Variants in UNC13A observed in about 807,000 individuals in gnomAD.
UNC13A encodes protein unc-13 homolog A.
A neutral mutation model predicts 219.7 loss-of-function variants in UNC13A; 61 were observed. The observed-to-expected ratio is 0.28, with a 90% CI of 0.23 to 0.34. The LOEUF is 0.34. Among genes scored for constraint, UNC13A ranks in the 10% least tolerant of loss-of-function variants. The probability of loss-of-function intolerance (pLI) is 1.00; values close to 1 mark genes in which losing one functional copy is unlikely to be tolerated. For missense variants in UNC13A, 1,476 were observed against 2,270.3 expected (o/e 0.65, Z 7.11); for synonymous variants, 920 against 884.6 (o/e 1.04, Z -0.71).
At chr19:17,680,838 T>C (rs2145927331) in intron 1 of UNC13A, among the ~76,000 whole-genome samples, 1 of 150,654 alleles carries the variant, frequency 6.6e-6, no homozygotes, top group East Asian at 1.9e-4. Flanking sequence ...CTGGATTCTT[T>C]TCTTTTTCTT....
intron 15 of UNC13A, 68 bp from the exon 16 acceptor site, chr19:17,648,718 C>T (rs1263355102): frequency 4.5e-6 from 7 of 1,560,686 alleles, no homozygotes; most frequent in East Asian, 2.3e-5. Flanking sequence ...TGCCCCATTC[C>T]GCCCCATCAC....
chr19:17,672,340 ACTC>A (rs1395645977), intron 4 of UNC13A, 35 bp downstream of exon 4: 2 of 1,556,162 alleles, frequency 1.3e-6, no homozygotes, highest in Non-Finnish European at 1.8e-6. Flanking sequence ...TCTGCAAGGC[ACTC>A]CTCCTTCTTC....
chr19:17,682,770 A>C (rs2080042256), intron 1 of UNC13A, among the ~76,000 whole-genome samples: 1 of 152,180 alleles, frequency 6.6e-6, no homozygotes, highest in African/African-American at 2.4e-5. Flanking sequence ...ATGAGAGAAG[A>C]AAGCAATCCT....
Position 17,658,102 on chromosome 19 carries a change from T to C in UNC13A, c.727A>G (p.Met243Val), listed in dbSNP as rs759013861. ...TCAGAGAACTCCTCGTAACTGTGCA[T>C]GGAGTCACTGTAGGACTCCCGGGAG... ...LGSRESYSDS[M>V]HSYEEFSEPQ... Residue 243 changes from methionine to valine, a missense_variant, in exon 9 of 44, where the codon ATG becomes GTG. Physicochemically the swap from Met to Val is conservative, Grantham distance 21. Coordinates refer to ENST00000519716, the MANE Select transcript of UNC13A (RefSeq NM_001080421.3). 2 of 1,613,822 alleles carry C rather than the reference T, an allele frequency of 1.2e-6. No homozygotes were observed. Among genetic ancestry groups the C allele is most frequent in the Non-Finnish European group, 1.7e-6 (2 of 1,179,854 alleles).
At chr19:17,636,694 A>G (rs2076915682) in intron 25 of UNC13A, among the ~76,000 whole-genome samples, 1 of 152,180 alleles carries the variant, frequency 6.6e-6, no homozygotes, top group Non-Finnish European at 1.5e-5. Flanking sequence ...AGTCAACCCA[A>G]TCCGATTCTA....
intron 11 of UNC13A, among the ~76,000 whole-genome samples, chr19:17,653,857 C>T (rs1247598455): frequency 3.0e-5 from 4 of 131,904 alleles, no homozygotes; most frequent in African/African-American, 5.8e-5. Context: ...AATGGAGTCT[C>T]GCTCTGTCAC....
At chr19:17,655,092 G>C (rs531279349) in intron 11 of UNC13A, among the ~76,000 whole-genome samples, 182 bp downstream of exon 11, 18 of 152,336 alleles carry the variant, frequency 1.2e-4, no homozygotes, top group Admixed American at 6.5e-4. Context: ...GGAAGGGCTC[G>C]AGTGGCTGGG....
Position 17,630,769 on chromosome 19 carries a change from G to A in UNC13A, c.3429-19C>T, listed in dbSNP as rs753022876. 1.8e-5 allele frequency: 29 copies of A among 1,606,502 alleles called. No homozygotes were observed. The highest frequency in any genetic ancestry group is 4.4e-5 in the South Asian group (4 of 90,788). ...AAACCATCTGGAATGAAGAGCCGGG[G>A]TGGGGCTCTGCCACCTCTTGTCCTC... On this transcript the variant is annotated intron_variant, in intron 28 of 43. Transcript: ENST00000519716.
At chr19:17,634,035 A>G (rs1316278487) in intron 26 of UNC13A, among the ~76,000 whole-genome samples, 3 of 151,316 alleles carry the variant, frequency 2.0e-5, no homozygotes, top group African/African-American at 7.3e-5. Context: ...TCATCCATCC[A>G]CTCAACCACT....
At position 17,606,355 on chromosome 19, in the gene UNC13A, C is replaced by T. The variant is rs2076529557; in HGVS notation, c.4812-1G>A. 7.8e-6 allele frequency: 12 copies of T among 1,543,232 alleles called. No individual in the cohort carries two copies. Among genetic ancestry groups the T allele is most frequent in the Non-Finnish European group, 1.0e-5 (12 of 1,146,802 alleles). On this transcript the variant is annotated splice_acceptor_variant, in intron 43 of 43. Coordinates refer to ENST00000519716, the MANE Select transcript of UNC13A (RefSeq NM_001080421.3). LOFTEE classifies it high-confidence loss of function. ...GGGACCCGCGTCGGCGCTCAGCGTG[C>T]TGCGTGGGGAGGGGCGGAACGTGAG...
At position 17,627,790 on chromosome 19, in the gene UNC13A, C is replaced by T. The variant is rs1041336565; in HGVS notation, c.3831+73G>A. 17 of 1,493,918 alleles carry T rather than the reference C, an allele frequency of 1.1e-5. No homozygotes were observed. In the African/African-American group the frequency reaches 2.2e-4, roughly 20 times the overall value. 92.5% of individuals were successfully genotyped at this position (1,493,918 alleles called of 1,614,324 possible). On this transcript the variant is annotated intron_variant, in intron 32 of 43. Coordinates refer to ENST00000519716, the MANE Select transcript of UNC13A (RefSeq NM_001080421.3). This position sits in a 1 kb window ranked among gnomAD's most constrained non-coding sequence, Gnocchi z 4.7. The stretch of plus-strand genomic sequence containing the variant: ...ATCCCCAGGCCTGGTGGCATATGAG[C>T]TCAGGGGCCTGCAGGGACACAGTGG...
intron 1 of UNC13A, among the ~76,000 whole-genome samples, chr19:17,684,458 T>A (rs777841384): frequency 8.5e-5 from 13 of 152,214 alleles, no homozygotes; most frequent in Non-Finnish European, 1.3e-4. Context: ...AGGTGCTCAA[T>A]TAATGCTTGT....
chr19:17,606,501 C>G (rs1013889341), intron 43 of UNC13A, 147 bp from the exon 44 acceptor site: 2 of 1,217,604 alleles, frequency 1.6e-6, no homozygotes, highest in Admixed American at 5.1e-5. Context: ...CCGCCCCTGC[C>G]CCGTTACTTG....
chr19:17,654,549 G>A (rs1198453320), intron 11 of UNC13A, among the ~76,000 whole-genome samples: 1 of 152,154 alleles, frequency 6.6e-6, no homozygotes, highest in Non-Finnish European at 1.5e-5. Context: ...TAACTCTGAA[G>A]AGCAACACAG....
rs1460542767 is a variant in UNC13A, at chr19:17,604,047, A to C, written c.*2007T>G. On this transcript the variant is annotated 3_prime_UTR_variant, in exon 44 of 44. Coordinates refer to ENST00000519716, the MANE Select transcript of UNC13A (RefSeq NM_001080421.3). ...GGCTGGTCTCAAACTCCTGACCTTA[A>C]GTGATCTGCCAGCCTCGGTCTCCCC... 3 of 152,208 alleles carry C rather than the reference A, an allele frequency of 2.0e-5. No homozygotes were observed. The highest frequency in any genetic ancestry group is 4.4e-5 in the Non-Finnish European group (3 of 68,108). 9.4% of individuals were successfully genotyped at this position (152,208 alleles called of 1,614,324 possible).
chr19:17,645,668 T>A lies in UNC13A; in HGVS notation c.2356+6A>T. On this transcript the variant is annotated splice_donor_region_variant and intron_variant, in intron 19 of 43. Coordinates refer to ENST00000519716, the MANE Select transcript of UNC13A (RefSeq NM_001080421.3). ...CCCACCCGCTTCAGAACCCAGCTTC[T>A]CTCACCCAGGTTGTACCACACGTCC... is the stretch of plus-strand genomic sequence containing the variant. The A allele has an allele frequency of 6.2e-7, 1 of 1,614,150 alleles. No individual in the cohort carries two copies. The highest frequency in any genetic ancestry group is 8.5e-7 in the Non-Finnish European group (1 of 1,180,000).
intron 19 of UNC13A, among the ~76,000 whole-genome samples, chr19:17,643,906 C>T (rs1229741153): frequency 6.6e-6 from 1 of 152,084 alleles, no homozygotes; most frequent in East Asian, 1.9e-4. Context: ...GTCTGTGCCT[C>T]TCTCCTCAGA....
chr19:17,668,412 T>C (rs1383196817), intron 5 of UNC13A, among the ~76,000 whole-genome samples: 2 of 152,144 alleles, frequency 1.3e-5, no homozygotes, highest in Non-Finnish European at 2.9e-5. Context: ...GAATGGAGAA[T>C]AGTTGGAGGA....
intron 1 of UNC13A, among the ~76,000 whole-genome samples, chr19:17,679,166 G>T (rs1483107897): frequency 6.6e-6 from 1 of 152,170 alleles, no homozygotes; most frequent in African/African-American, 2.4e-5. Flanking sequence ...CTTTGAGGCC[G>T]AGGCAGGTGG....
Sources: allele counts gnomAD v4.1 joint callset (sites outside exome capture counted in the v4.1 genomes callset), GRCh38; gene constraint gnomAD v4.1.1; non-coding constraint Gnocchi (gnomAD v3.1); transcripts MANE v1.5; gene names NCBI Gene and HGNC (gene_info 2026-07-23, HGNC 2026-07-21).